Variants in BMPER observed in about 807,000 individuals in gnomAD.
BMPER encodes BMP binding endothelial regulator.
A neutral mutation model predicts 87.3 loss-of-function variants in BMPER; 45 were observed. The ratio of observed to expected loss-of-function variants is 0.52; its 90% confidence interval spans 0.41 to 0.66. BMPER has a LOEUF of 0.66. Ranked by LOEUF, BMPER falls within the 30% of genes least tolerant of loss-of-function variation. BMPER has a pLI of 0.00. For synonymous variants in BMPER, 326 were observed against 316.2 expected (o/e 1.03, Z -0.33); for missense variants, 784 against 867.5 (o/e 0.90, Z 1.21).
intron 11 of BMPER, among the ~76,000 whole-genome samples, chr7:34,066,850 G>T (rs866278728): frequency 6.6e-6 from 1 of 152,044 alleles, no homozygotes; most frequent in Admixed American, 6.5e-5. Flanking sequence ...GGAGGGAGGG[G>T]CAGAGAGAGA....
At chr7:34,044,541 G>A (rs994788301) in intron 6 of BMPER, among the ~76,000 whole-genome samples, 2 of 152,084 alleles carry the variant, frequency 1.3e-5, no homozygotes, top group African/African-American at 4.8e-5. Context: ...TCTAAGCTGG[G>A]GCTGACCCCA....
At chr7:33,988,582 G>A (rs1395771221) in intron 6 of BMPER, among the ~76,000 whole-genome samples, 1 of 151,986 alleles carries the variant, frequency 6.6e-6, no homozygotes, top group Non-Finnish European at 1.5e-5. Context: ...TAGGAAAAAT[G>A]CAGTGAAGTG....
chr7:33,980,281 C>A lies in BMPER; in HGVS notation c.576+5497C>A, dbSNP rs17170506. 5.6e-3 allele frequency among the ~76,000 whole-genome samples: 856 copies of A among 152,278 alleles called. 12 individuals carry two copies. The highest frequency in any genetic ancestry group is 0.02 in the African/African-American group (820 of 41,570). ...GAGTCCTATTAGCTGTTCCATATAG[C>A]GGTCTGAGTCATACCAGAGTGCATT... is the stretch of plus-strand genomic sequence containing the variant. On this transcript the variant is annotated intron_variant, in intron 6 of 14. Coordinates refer to ENST00000649409, the MANE Select transcript of BMPER (RefSeq NM_001365308.1).
intron 3 of BMPER, 47 bp downstream of exon 3, chr7:33,937,435 A>T (rs773834688): frequency 1.9e-6 from 3 of 1,577,600 alleles, no homozygotes; most frequent in East Asian, 4.5e-5. Context: ...TGCTTCAGGC[A>T]TTTTTATTTC....
intron 2 of BMPER, among the ~76,000 whole-genome samples, chr7:33,923,437 T>C (rs780523384): frequency 2.0e-5 from 3 of 152,206 alleles, no homozygotes; most frequent in Non-Finnish European, 2.9e-5. Context: ...TTAGGTCTTC[T>C]AGCCAACCAG....
chr7:33,907,980 G>T (rs534548048), intron 2 of BMPER, among the ~76,000 whole-genome samples: 1 of 152,186 alleles, frequency 6.6e-6, no homozygotes, highest in Admixed American at 6.5e-5. Flanking sequence ...TATCAGGTTC[G>T]GAAGACTAAG....
chr7:34,132,641 G>A (rs1237109117), intron 13 of BMPER, among the ~76,000 whole-genome samples: 4 of 152,210 alleles, frequency 2.6e-5, no homozygotes, highest in Non-Finnish European at 1.5e-5. Flanking sequence ...GAGACAGTGA[G>A]TTTCTTTGGG....
intron 13 of BMPER, among the ~76,000 whole-genome samples, chr7:34,119,227 T>G (rs1276794818): frequency 6.6e-6 from 1 of 152,126 alleles, no homozygotes; most frequent in East Asian, 1.9e-4. Flanking sequence ...ATGTTAAGAT[T>G]GCATGTGCCA....
At position 34,041,513 on chromosome 7, in the gene BMPER, T is replaced by C. The variant is rs774923797; in HGVS notation, c.577-4793T>C. Reference sequence around the variant, plus strand: ...CTTTACTCCAGGAAGTTAAGTGTCATGCTCTGTAAACTTAGCAAGATACAG... The same window carrying C: ...CTTTACTCCAGGAAGTTAAGTGTCACGCTCTGTAAACTTAGCAAGATACAG... On this transcript the variant is annotated intron_variant, in intron 6 of 14. Coordinates refer to ENST00000649409, the MANE Select transcript of BMPER (RefSeq NM_001365308.1). Among the ~76,000 whole-genome samples, 280 of 152,304 alleles carry C rather than the reference T, an allele frequency of 1.8e-3. 2 individuals are homozygous for C. The highest frequency in any genetic ancestry group is 3.4e-3 in the Non-Finnish European group (230 of 68,022).
intron 6 of BMPER, among the ~76,000 whole-genome samples, chr7:34,007,112 C>G (rs1337523126): frequency 6.6e-6 from 1 of 152,022 alleles, no homozygotes; most frequent in Non-Finnish European, 1.5e-5. Flanking sequence ...GATTCCTTAA[C>G]ATCACTAAAA....
intron 7 of BMPER, among the ~76,000 whole-genome samples, chr7:34,050,206 C>A (rs1788111754): frequency 6.6e-6 from 1 of 152,106 alleles, no homozygotes; most frequent in African/African-American, 2.4e-5. Context: ...CTAAATCATG[C>A]CTAGTCATGA....
At position 34,075,440 on chromosome 7, in the gene BMPER, AC is replaced by A. The variant is rs201761100; in HGVS notation, c.1079-3416del. Among the ~76,000 whole-genome samples, 292 of 152,292 alleles carry A rather than the reference AC, an allele frequency of 1.9e-3. 3 individuals are homozygous for A. The East Asian group carries it at 0.03, about 16-fold the overall frequency. ...ACTCACTCCTATTGTCTGGTTTTGT[AC>A]ACTTCTGATCTTTTTTACCCCCCTT... On this transcript the variant is annotated intron_variant, in intron 11 of 14. Transcript: ENST00000649409.
chr7:34,020,383 T>C lies in BMPER; in HGVS notation c.577-25923T>C, dbSNP rs116675775. ...CACAGTCTTATCTGGAGTTACAGAT[T>C]TGGGAGATCTTCAACCTGTTTCACA... On this transcript the variant is annotated intron_variant, in intron 6 of 14. Coordinates refer to ENST00000649409, the MANE Select transcript of BMPER (RefSeq NM_001365308.1). Among the ~76,000 whole-genome samples the C allele has an allele frequency of 6.8e-3, 1,032 of 152,034 alleles. 4 individuals carry two copies. The highest frequency in any genetic ancestry group is 9.7e-3 in the African/African-American group (404 of 41,514).
chr7:33,918,630 A>C (rs1784141258), intron 2 of BMPER, among the ~76,000 whole-genome samples: 1 of 152,246 alleles, frequency 6.6e-6, no homozygotes, highest in Admixed American at 6.5e-5. Flanking sequence ...AAGATGAAGC[A>C]GATATTCTCT....
intron 2 of BMPER, among the ~76,000 whole-genome samples, chr7:33,931,740 A>T (rs1357339696): frequency 6.6e-6 from 1 of 152,184 alleles, no homozygotes; most frequent in Non-Finnish European, 1.5e-5. Flanking sequence ...CACTTGAAAC[A>T]AGACATCCAT....
intron 6 of BMPER, among the ~76,000 whole-genome samples, chr7:34,032,229 G>A (rs1787547886): frequency 6.6e-6 from 1 of 151,824 alleles, no homozygotes; most frequent in Admixed American, 6.6e-5. Flanking sequence ...ATCTGAAGGA[G>A]CTCTTAACCC....
intron 6 of BMPER, among the ~76,000 whole-genome samples, chr7:34,040,684 T>C (rs76377364): frequency 0.034 from 5,128 of 152,144 alleles, 312 homozygotes; most frequent in African/African-American, 0.12. Context: ...GTGGAAGAGG[T>C]GAGTAAAGGT....
Position 34,015,562 on chromosome 7 carries a change from T to A in BMPER, c.577-30744T>A, listed in dbSNP as rs77712999. Among the ~76,000 whole-genome samples the A allele has an allele frequency of 4.6e-3, 706 of 151,992 alleles. 8 individuals are homozygous for A. The South Asian group carries it at 0.055, about 12-fold the overall frequency. The stretch of plus-strand genomic sequence containing the variant: ...GCTGCCTGTGACAGAGCTTCCAACT[T>A]TCTATTGGTGAGATGAAAAGAGCAG... On this transcript the variant is annotated intron_variant, in intron 6 of 14. Coordinates refer to ENST00000649409, the MANE Select transcript of BMPER (RefSeq NM_001365308.1).
rs765628856 is a variant in BMPER at position 34,061,956 on chromosome 7, T to TG, written c.1033-46_1033-45insG. On this transcript the variant is annotated intron_variant, in intron 10 of 14. Coordinates refer to ENST00000649409, the MANE Select transcript of BMPER (RefSeq NM_001365308.1). ...TTTGTCCTCAGGAGACCCTGTTTTTTTTTTTTTTTAAACAGTAACTTTGTA... is the reference window on the plus strand; with the variant it reads ...TTTGTCCTCAGGAGACCCTGTTTTTTGTTTTTTTTTAAACAGTAACTTTGTA... 5 of 1,488,744 alleles carry TG rather than the reference T, an allele frequency of 3.4e-6. No individual in the cohort carries two copies. In the African/African-American group the frequency reaches 7.0e-5, roughly 21 times the overall value. 92.2% of individuals were successfully genotyped at this position (1,488,744 alleles called of 1,614,324 possible). A position where few individuals can be genotyped will look rare whatever the true frequency, so the allele number is the denominator to read the frequency against.
Sources: gnomAD v4.1 joint callset for allele counts (sites outside exome capture counted in the v4.1 genomes callset) on GRCh38, gnomAD v4.1.1 for gene constraint, MANE v1.5 for transcripts, NCBI Gene and HGNC (gene_info 2026-07-23, HGNC 2026-07-21) for gene names.